ERC2: variants seen among roughly 807,000 people sequenced by gnomAD.
The protein encoded by ERC2 is ERC protein 2.
ERC2 carries 42 observed loss-of-function variants against 114.8 expected under a neutral mutation model. That is an observed-to-expected ratio of 0.37 (90% CI 0.29 to 0.47). ERC2 has a LOEUF of 0.47. Among genes scored for constraint, ERC2 ranks in the 20% least tolerant of loss-of-function variants. The probability of loss-of-function intolerance (pLI) is 0.99; values close to 1 mark genes in which losing one functional copy is unlikely to be tolerated. For missense variants in ERC2, 939 were observed against 1,150.7 expected (o/e 0.82, Z 2.66); for synonymous variants, 454 against 425.5 (o/e 1.07, Z -0.82).
chr3:56,375,969 C>T (rs2059526030), intron 2 of ERC2, among the ~76,000 whole-genome samples: 1 of 152,160 alleles, frequency 6.6e-6, no homozygotes, highest in South Asian at 2.1e-4. Context: ...CCATGAGAAA[C>T]TGATGCCCTC....
chr3:55,947,661 A>G (rs2067217192), intron 13 of ERC2, among the ~76,000 whole-genome samples: 1 of 152,234 alleles, frequency 6.6e-6, no homozygotes, highest in Non-Finnish European at 1.5e-5. Flanking sequence ...GCACCACGAC[A>G]GATGTGCAGT....
chr3:56,236,899 C>T (rs1223284345), intron 3 of ERC2, among the ~76,000 whole-genome samples: 2 of 152,132 alleles, frequency 1.3e-5, no homozygotes, highest in African/African-American at 2.4e-5. Context: ...ACATACGTAA[C>T]AAGTGTTGAA....
At chr3:56,464,094 G>A (rs1055848272) in intron 1 of ERC2, among the ~76,000 whole-genome samples, 15 of 152,136 alleles carry the variant, frequency 9.9e-5, no homozygotes, top group Admixed American at 5.2e-4. Flanking sequence ...GGAGTGAGGG[G>A]ATGAAAATTG....
intron 2 of ERC2, among the ~76,000 whole-genome samples, chr3:56,361,105 G>A (rs889464740): frequency 2.0e-5 from 3 of 152,100 alleles, no homozygotes; most frequent in African/African-American, 4.8e-5. Context: ...GAAAGACCAG[G>A]GGCTGATTGT....
At chr3:56,158,697 C>A (rs1216984546) in intron 4 of ERC2, among the ~76,000 whole-genome samples, 1 of 151,968 alleles carries the variant, frequency 6.6e-6, no homozygotes. Flanking sequence ...AATAACCTAA[C>A]CTTCTCCTCT....
At chr3:56,397,693 T>C (rs911290775) in intron 2 of ERC2, among the ~76,000 whole-genome samples, 1 of 152,230 alleles carries the variant, frequency 6.6e-6, no homozygotes, top group Non-Finnish European at 1.5e-5. Flanking sequence ...CCAGCTGTAC[T>C]CAAGATAACA....
intron 6 of ERC2, among the ~76,000 whole-genome samples, chr3:56,120,519 C>G (rs2149855483): frequency 6.6e-6 from 1 of 152,182 alleles, no homozygotes; most frequent in Middle Eastern, 3.4e-3. Flanking sequence ...CAAAATGAAA[C>G]TATTGAGGAG....
chr3:55,933,765 C>T (rs1041817040), intron 13 of ERC2, among the ~76,000 whole-genome samples: 4 of 152,174 alleles, frequency 2.6e-5, no homozygotes, highest in South Asian at 2.1e-4. Context: ...TCCAGCCTCT[C>T]GATTTACAGG....
chr3:56,227,249 T>C (rs538229718), intron 3 of ERC2, among the ~76,000 whole-genome samples: 1 of 152,198 alleles, frequency 6.6e-6, no homozygotes, highest in African/African-American at 2.4e-5. Context: ...TGAGCTCAAA[T>C]GTAATTGGTG....
intron 12 of ERC2, among the ~76,000 whole-genome samples, chr3:55,957,429 A>C (rs1488391831): frequency 6.6e-6 from 1 of 152,218 alleles, no homozygotes; most frequent in Non-Finnish European, 1.5e-5. Context: ...AAGGCTCTTA[A>C]AATAGTTCCT....
At chr3:55,583,331 TTGCCTGCCTGTCTGCCTGCC>T (rs1312553926) in intron 17 of ERC2, among the ~76,000 whole-genome samples, 9 of 151,664 alleles carry the variant, frequency 5.9e-5, no homozygotes, top group Middle Eastern at 3.4e-3. Context: ...GTGTGGAAGC[TTGCCTGCCTGTCTGCCTGCC>T]TGCCTGCCTG....
At chr3:55,519,053 G>A (rs574927653) in intron 17 of ERC2, among the ~76,000 whole-genome samples, 3 of 152,310 alleles carry the variant, frequency 2.0e-5, no homozygotes, top group East Asian at 3.9e-4. Flanking sequence ...CTGCACTCTG[G>A]AAAGAGGGGG....
intron 10 of ERC2, among the ~76,000 whole-genome samples, chr3:56,003,934 T>A (rs962726098): frequency 6.6e-6 from 1 of 152,062 alleles, no homozygotes; most frequent in Non-Finnish European, 1.5e-5. Context: ...TCTAAATACC[T>A]GCACTATTTA....
In ERC2 at chr3:56,285,067, A is replaced by T. The variant is rs56165613; in HGVS notation, c.1074+10952T>A. 4.8e-3 allele frequency among the ~76,000 whole-genome samples: 599 copies of T among 123,640 alleles called. 3 individuals are homozygous for T. Among genetic ancestry groups the T allele is most frequent in the Non-Finnish European group, 8.4e-3 (480 of 57,128 alleles). 81.1% of individuals were successfully genotyped at this position (123,640 alleles called of 152,430 possible). On this transcript the variant is annotated intron_variant, in intron 3 of 17. Transcript: ENST00000288221. ...CACACACACACACACACACACACAC[A>T]CTCTTATGTTTCTTTTTAGGCTCAA...
intron 2 of ERC2, among the ~76,000 whole-genome samples, chr3:56,363,501 T>A (rs2059036312): frequency 6.6e-6 from 1 of 152,118 alleles, no homozygotes; most frequent in Non-Finnish European, 1.5e-5. Context: ...AAGGAGAATT[T>A]ATACAGTGAG....
intron 14 of ERC2, among the ~76,000 whole-genome samples, chr3:55,858,197 T>C (rs2061872285): frequency 6.6e-6 from 1 of 152,188 alleles, no homozygotes; most frequent in African/African-American, 2.4e-5. Flanking sequence ...ATGGCTAACA[T>C]TTTATTAGTT....
At chr3:56,373,005 T>A (rs1446909875) in intron 2 of ERC2, among the ~76,000 whole-genome samples, 1 of 152,258 alleles carries the variant, frequency 6.6e-6, no homozygotes, top group Non-Finnish European at 1.5e-5. Flanking sequence ...CTGTTAATAC[T>A]GTATCAATTC....
At chr3:56,151,083 T>C (rs976277855) in intron 4 of ERC2, among the ~76,000 whole-genome samples, 5 of 152,152 alleles carry the variant, frequency 3.3e-5, no homozygotes, top group African/African-American at 9.7e-5. Context: ...CCTCCAGAAC[T>C]GTGAGAAAAA....
intron 2 of ERC2, among the ~76,000 whole-genome samples, chr3:56,390,158 T>C (rs1560731523): frequency 6.6e-6 from 1 of 152,136 alleles, no homozygotes; most frequent in Non-Finnish European, 1.5e-5. Flanking sequence ...AAATGCCCTA[T>C]TAGAAACCAT....
Sources: allele counts gnomAD v4.1 joint callset (sites outside exome capture counted in the v4.1 genomes callset), GRCh38; gene constraint gnomAD v4.1.1; transcripts MANE v1.5; gene names NCBI Gene and HGNC (gene_info 2026-07-23, HGNC 2026-07-21).